PIGG: variants seen among roughly 807,000 people sequenced by gnomAD.
PIGG encodes the protein phosphatidylinositol glycan anchor biosynthesis class G (EMM blood group), also known as GPI ethanolamine phosphate transferase 2, catalytic subunit.
In PIGG, 70 loss-of-function variants were observed where a neutral mutation model predicts 83.2. The observed-to-expected ratio is 0.84, with a 90% CI of 0.69 to 1.03. The LOEUF (loss-of-function observed/expected upper bound fraction) is 1.03. Ranked by LOEUF, PIGG falls within the 50% of genes least tolerant of loss-of-function variation. The pLI is 0.00. For missense variants in PIGG, 1,257 were observed against 1,233.6 expected (o/e 1.02, Z -0.28); for synonymous variants, 532 against 519.5 (o/e 1.02, Z -0.33).
rs1723625373 is a variant in PIGG at position 515,775 on chromosome 4, C to T, written c.902-198C>T. Among the ~76,000 whole-genome samples, 1 of 152,228 alleles carries T rather than the reference C, an allele frequency of 6.6e-6. No homozygotes were observed. ...CTGTTGCAGGCTACTGAAGGAAAGACACCGTCCCTGGCATAGAATGGGTTC... is the reference window on the plus strand; with the variant it reads ...CTGTTGCAGGCTACTGAAGGAAAGATACCGTCCCTGGCATAGAATGGGTTC... On this transcript the variant is annotated intron_variant, in intron 5 of 12. Transcript: ENST00000453061. This position sits in a 1 kb window ranked among gnomAD's most constrained non-coding sequence, Gnocchi z 4.2.
At chr4:503,495 G>A (rs1421140794) in intron 2 of PIGG, among the ~76,000 whole-genome samples, 2 of 152,072 alleles carry the variant, frequency 1.3e-5, no homozygotes, top group African/African-American at 2.4e-5. Context: ...ATTTCCTCCC[G>A]GGTGCTGCTG....
rs200770933 is a variant in PIGG, at chr4:523,897, G to T, written c.2053G>T (p.Gly685Cys). Reference protein sequence around the residue: ...GVQWAHRPDLGHWLTSSDHKA... With the variant: ...GVQWAHRPDLCHWLTSSDHKA... ...GCAGTGGGCTCACCGGCCTGACCTC[G>T]GCCACTGGCTCACCAGGTGAGAGCG... The change falls in exon 9 of 13, where the codon GGC becomes TGC. Residue 685 changes from glycine to cysteine, a missense_variant. By Grantham distance (159) the Gly-to-Cys change is radical (BLOSUM62 -3). Transcript: ENST00000453061. The T allele has an allele frequency of 1.3e-6, 2 of 1,530,546 alleles. No individual in the cohort carries two copies. The highest frequency in any genetic ancestry group is 2.7e-5 in the African/African-American group (2 of 72,854). 94.8% of individuals were successfully genotyped at this position (1,530,546 alleles called of 1,614,324 possible). A position where few individuals can be genotyped will look rare whatever the true frequency, so the allele number is the denominator to read the frequency against.
intron 10 of PIGG, among the ~76,000 whole-genome samples, chr4:529,188 C>T (rs1414657932): frequency 6.6e-6 from 1 of 152,234 alleles, no homozygotes; most frequent in East Asian, 1.9e-4. Flanking sequence ...ATCACCCTGC[C>T]TGCCCTAGCA....
chr4:507,360 A>G, intron 3 of PIGG, 45 bp from the exon 4 acceptor site: 1 of 1,455,688 alleles, frequency 6.9e-7, no homozygotes, highest in Non-Finnish European at 9.5e-7. Flanking sequence ...GTGAAGATCC[A>G]GGGAAATTAG....
At position 518,560 on chromosome 4, in the gene PIGG, TC is replaced by T. The variant is rs561900004; in HGVS notation, c.1114+2377del. ...GTGAGCCGAGATGGCGACACTGCAC[TC>T]CAGCCTGGGTGACAGAGCGAGACTC... On this transcript the variant is annotated intron_variant, in intron 6 of 12. Coordinates refer to ENST00000453061, the MANE Select transcript of PIGG (RefSeq NM_001127178.3). Among the ~76,000 whole-genome samples the T allele has an allele frequency of 4.4e-3, 673 of 152,318 alleles. 2 individuals carry two copies. The highest frequency in any genetic ancestry group is 0.015 in the African/African-American group (630 of 41,590).
chr4:539,088 AG>A, intron 12 of PIGG, 64 bp from the exon 13 acceptor site: 1 of 1,045,662 alleles, frequency 9.6e-7, no homozygotes, highest in East Asian at 2.4e-5. Flanking sequence ...TGAAAATAAA[AG>A]TGTTGTTACA....
At chr4:537,772 G>A (rs1268862540) in intron 12 of PIGG, among the ~76,000 whole-genome samples, 2 of 152,178 alleles carry the variant, frequency 1.3e-5, no homozygotes, top group African/African-American at 4.8e-5. Context: ...GAGGAGGATG[G>A]GCCCCTCCAA....
At chr4:524,185 A>G (rs1726910223) in intron 9 of PIGG, among the ~76,000 whole-genome samples, 1 of 152,208 alleles carries the variant, frequency 6.6e-6, no homozygotes, top group African/African-American at 2.4e-5. Flanking sequence ...CTTGTGTTTC[A>G]GTGATCATTA....
chr4:536,513 G>A (rs549779374), intron 12 of PIGG, among the ~76,000 whole-genome samples: 9 of 152,346 alleles, frequency 5.9e-5, no homozygotes, highest in East Asian at 5.8e-4. Context: ...CTGTGGCGGC[G>A]CTGTGTGGAG....
intron 9 of PIGG, chr4:524,636 G>A (rs1351421015): frequency 6.6e-6 from 1 of 151,968 alleles, no homozygotes; most frequent in East Asian, 1.9e-4. Context: ...TGACCCAGAC[G>A]TCTCCCACAA....
rs773802422 is a variant in PIGG, at chr4:530,566, T to C, written c.2392T>C (p.Tyr798His). 7 of 1,613,606 alleles carry C rather than the reference T, an allele frequency of 4.3e-6. No homozygotes were observed. Among genetic ancestry groups the C allele is most frequent in the Admixed American group, 1.7e-5 (1 of 60,002 alleles). Residue 798 changes from tyrosine to histidine, a missense_variant, in exon 11 of 13, where the codon TAT becomes CAT. By Grantham distance (83) the Tyr-to-His change is moderately conservative. Transcript: ENST00000453061. ...KLKTVGLWEI[Y>H]SGLVLLAALL... ...CAAGACTGTAGGTTTATGGGAGATA[T>C]ATAGTGGATTAGTTCTTCTGGCAGC...
chr4:530,310 T>A, intron 10 of PIGG, 126 bp from the exon 11 acceptor site: 1 of 682,426 alleles, frequency 1.5e-6, no homozygotes. Context: ...GTGCCGCGGC[T>A]CCTTTAGTCA....
Position 499,310 on chromosome 4 carries a change from T to G in PIGG, c.-26T>G, listed in dbSNP as rs1553873890. 6 of 1,601,562 alleles carry G rather than the reference T, an allele frequency of 3.7e-6. No homozygotes were observed. In the African/African-American group the frequency reaches 4.0e-5, roughly 11 times the overall value. ...GGGCGAGGCTCCAGGTGGGGTCGGT[T>G]CCGCATCCAGCCTAGCGTGTCCACG... On this transcript the variant is annotated 5_prime_UTR_variant, in exon 1 of 13. Coordinates refer to ENST00000453061, the MANE Select transcript of PIGG (RefSeq NM_001127178.3).
At chr4:516,798 G>A (rs1724011593) in intron 6 of PIGG, among the ~76,000 whole-genome samples, 1 of 146,030 alleles carries the variant, frequency 6.8e-6, no homozygotes, top group African/African-American at 2.5e-5. Context: ...GGAGGTTGCA[G>A]TGAACTGAGA....
rs187666091 is a variant in PIGG, at chr4:501,002, T to G, written c.360+401T>G. 849 of 403,074 alleles carry G rather than the reference T, an allele frequency of 2.1e-3. 2 individuals are homozygous for G. The highest frequency in any genetic ancestry group is 3.5e-3 in the Non-Finnish European group (715 of 205,778). 25.0% of individuals were successfully genotyped at this position (403,074 alleles called of 1,614,324 possible). A position where few individuals can be genotyped will look rare whatever the true frequency, so the allele number is the denominator to read the frequency against. ...GATAGGAAAGCAAACTCAGATAAGT[T>G]AAATGTGACTTCTCCAAAATTATCC... On this transcript the variant is annotated intron_variant, in intron 2 of 12. Transcript: ENST00000453061.
At chr4:508,655 T>C (rs1720768143) in intron 4 of PIGG, among the ~76,000 whole-genome samples, 174 bp from the exon 5 acceptor site, 1 of 152,174 alleles carries the variant, frequency 6.6e-6, no homozygotes, top group South Asian at 2.1e-4. Context: ...ATTTATGGCA[T>C]TATTTGACTG....
At chr4:508,991 A>C (rs782077592) in intron 5 of PIGG, 21 bp downstream of exon 5, 2 of 1,596,164 alleles carry the variant, frequency 1.3e-6, no homozygotes, top group East Asian at 4.5e-5. Context: ...AGGAATGTTA[A>C]CAGTTGGAAA....
Position 539,244 on chromosome 4 carries a change from TATC to T in PIGG, c.2830_2832del (p.His944del), listed in dbSNP as rs761322082. ...CATCGTTTTGGTGACATCTCTGCGT[TATC>T]ATTTATTTATATGGAGTGTATTTTC... is the stretch of plus-strand genomic sequence containing the variant. On this transcript the variant is annotated inframe_deletion, in exon 13 of 13. Coordinates refer to ENST00000453061, the MANE Select transcript of PIGG (RefSeq NM_001127178.3). 2.5e-6 allele frequency: 4 copies of T among 1,612,040 alleles called. No homozygotes were observed. Among genetic ancestry groups the T allele is most frequent in the African/African-American group, 2.7e-5 (2 of 74,880 alleles).
At chr4:507,272 T>A (rs1048492279) in intron 3 of PIGG, 133 bp from the exon 4 acceptor site, 13 of 677,072 alleles carry the variant, frequency 1.9e-5, no homozygotes, top group Non-Finnish European at 3.4e-5. Context: ...TAGATTTTGT[T>A]GTGTTTCAAC....
Sources: gnomAD v4.1 joint callset for allele counts (sites outside exome capture counted in the v4.1 genomes callset) on GRCh38, gnomAD v4.1.1 for gene constraint, Gnocchi (gnomAD v3.1) non-coding constraint, MANE v1.5 for transcripts, NCBI Gene and HGNC (gene_info 2026-07-23, HGNC 2026-07-21) for gene names.